DLGAP2: variants seen among roughly 807,000 people sequenced by gnomAD.
DLGAP2 encodes disks large-associated protein 2.
DLGAP2 carries 26 observed loss-of-function variants against 100.3 expected under a neutral mutation model. The ratio of observed to expected loss-of-function variants is 0.26; its 90% CI spans 0.19 to 0.36. DLGAP2 has a LOEUF of 0.36. Ranked by LOEUF, DLGAP2 falls within the 10% of genes least tolerant of loss-of-function variation. The pLI is 1.00. For synonymous variants in DLGAP2, 886 were observed against 630.1 expected, an observed-to-expected ratio of 1.41 and a Z score of -6.08; for missense variants, 1,858 against 1,453.2, an observed-to-expected ratio of 1.28 and a Z score of -4.53.
intron 10 of DLGAP2, among the ~76,000 whole-genome samples, chr8:1,671,916 G>A (rs1798699814): frequency 6.6e-6 from 1 of 152,268 alleles, no homozygotes; most frequent in Non-Finnish European, 1.5e-5. Context: ...TTGTGGGCAT[G>A]GCTGAGCTAC....
intron 2 of DLGAP2, among the ~76,000 whole-genome samples, chr8:998,113 G>T (rs1430187658): frequency 6.6e-6 from 1 of 151,964 alleles, no homozygotes; most frequent in African/African-American, 2.4e-5. Context: ...ATACACACGT[G>T]TATGAACACA....
chr8:1,481,471 CTTTTTTTTTTTTTTTTT>C (rs1165790168), intron 3 of DLGAP2, among the ~76,000 whole-genome samples: 5 of 43,668 alleles, frequency 1.1e-4, no homozygotes, highest in African/African-American at 2.8e-4. Flanking sequence ...TTTTCTTTTT[CTTTTTTTTTTTTTTTTT>C]TTTTTTTGAG....
intron 1 of DLGAP2, among the ~76,000 whole-genome samples, chr8:805,609 A>AT (rs890465993): frequency 4.6e-5 from 7 of 151,616 alleles, no homozygotes; most frequent in East Asian, 3.9e-4. Context: ...CCGTCCTATA[A>AT]TTTTTTTTTC....
rs569300124 is a variant in DLGAP2 at position 928,160 on chromosome 8, A to G, written c.73+20194A>G. 2.6e-5 allele frequency among the ~76,000 whole-genome samples: 4 copies of G among 152,296 alleles called. No individual in the cohort carries two copies. The East Asian group carries it at 5.8e-4, about 22-fold the overall frequency. On this transcript the variant is annotated intron_variant, in intron 2 of 14. Coordinates refer to ENST00000637795, the MANE Select transcript of DLGAP2 (RefSeq NM_001346810.2). ...GAGAATTTCTGGTCATGTCATAGAC[A>G]CGGATGTACTGAGGCTGAGTTCATA...
chr8:1,387,722 G>A (rs1330941718), intron 3 of DLGAP2, among the ~76,000 whole-genome samples: 1 of 152,180 alleles, frequency 6.6e-6, no homozygotes, highest in African/African-American at 2.4e-5. Flanking sequence ...TAGGGGTGAA[G>A]GGTGAGAGGA....
chr8:1,524,461 G>C (rs1800721696), intron 4 of DLGAP2, among the ~76,000 whole-genome samples: 1 of 152,088 alleles, frequency 6.6e-6, no homozygotes, highest in Non-Finnish European at 1.5e-5. Context: ...GCCCAGACTG[G>C]GCGGCTTAAA....
chr8:1,291,055 A>G (rs1800046716), intron 3 of DLGAP2, among the ~76,000 whole-genome samples: 1 of 152,196 alleles, frequency 6.6e-6, no homozygotes, highest in African/African-American at 2.4e-5. Context: ...AGGCACCAGA[A>G]TAGAACCTCC....
chr8:854,164 C>T (rs1366276055), intron 1 of DLGAP2, among the ~76,000 whole-genome samples: 1 of 152,164 alleles, frequency 6.6e-6, no homozygotes, highest in African/African-American at 2.4e-5. Flanking sequence ...GTTCTAGCAG[C>T]CACATAGACT....
intron 2 of DLGAP2, among the ~76,000 whole-genome samples, chr8:1,173,872 C>G (rs189229563): frequency 6.6e-6 from 1 of 152,236 alleles, no homozygotes; most frequent in Non-Finnish European, 1.5e-5. Flanking sequence ...GGCTCCCGCA[C>G]GGTGCACGCA....
At chr8:1,558,656 CAT>C (rs781037624) in intron 5 of DLGAP2, among the ~76,000 whole-genome samples, 17 of 151,550 alleles carry the variant, frequency 1.1e-4, no homozygotes, top group Non-Finnish European at 2.1e-4. Context: ...CATAAACACA[CAT>C]ATGCACATAG....
intron 2 of DLGAP2, among the ~76,000 whole-genome samples, chr8:1,087,346 C>T (rs924351505): frequency 3.3e-5 from 5 of 152,200 alleles, no homozygotes; most frequent in Admixed American, 1.3e-4. Flanking sequence ...TCCTCCAGCT[C>T]ACTTGAAGTC....
chr8:1,440,985 C>T (rs995005952), intron 3 of DLGAP2, among the ~76,000 whole-genome samples: 2 of 152,256 alleles, frequency 1.3e-5, no homozygotes, highest in South Asian at 2.1e-4. Flanking sequence ...CCTCCCAGCA[C>T]GGGTTTTCCA....
intron 2 of DLGAP2, among the ~76,000 whole-genome samples, chr8:1,237,621 C>G (rs1367129467): frequency 2.8e-5 from 4 of 143,252 alleles, no homozygotes; most frequent in African/African-American, 1.1e-4. Flanking sequence ...CTAGTTACGT[C>G]TCACATGGTG....
intron 2 of DLGAP2, among the ~76,000 whole-genome samples, chr8:976,209 C>T (rs140683528): frequency 1.1e-4 from 16 of 152,142 alleles, no homozygotes; most frequent in African/African-American, 3.1e-4. Flanking sequence ...ATAATAAGTA[C>T]AAAGTTGGAG....
chr8:947,886 C>T (rs796158173), intron 2 of DLGAP2, among the ~76,000 whole-genome samples: 30 of 148,822 alleles, frequency 2.0e-4, no homozygotes, highest in African/African-American at 6.9e-4. Context: ...TGTGCCAGCC[C>T]GTGTGGGCCA....
At chr8:1,272,820 C>T (rs1799610029) in intron 3 of DLGAP2, among the ~76,000 whole-genome samples, 1 of 152,102 alleles carries the variant, frequency 6.6e-6, no homozygotes, top group African/African-American at 2.4e-5. Flanking sequence ...GAGCTGCCGG[C>T]CTGCAAGTCC....
At chr8:1,609,041 G>A (rs936733698) in intron 6 of DLGAP2, among the ~76,000 whole-genome samples, 8 of 146,118 alleles carry the variant, frequency 5.5e-5, no homozygotes, top group Non-Finnish European at 9.1e-5. Flanking sequence ...TACAGAGAAC[G>A]CCACAAAGAT....
At chr8:1,144,972 G>A (rs1231733169) in intron 2 of DLGAP2, among the ~76,000 whole-genome samples, 1 of 152,214 alleles carries the variant, frequency 6.6e-6, no homozygotes, top group African/African-American at 2.4e-5. Context: ...CAGACGGCCT[G>A]TATGAACAGA....
chr8:788,231 CTGT>C, intron 1 of DLGAP2, among the ~76,000 whole-genome samples: 1 of 152,352 alleles, frequency 6.6e-6, no homozygotes, highest in East Asian at 1.9e-4. Context: ...ACACAGCGTC[CTGT>C]TGTTATTCTG....
Sources: gnomAD v4.1 joint callset for allele counts (sites outside exome capture counted in the v4.1 genomes callset) on GRCh38, gnomAD v4.1.1 for gene constraint, MANE v1.5 for transcripts, NCBI Gene and HGNC (gene_info 2026-07-23, HGNC 2026-07-21) for gene names.